Variants in XIRP2 observed in about 807,000 individuals in gnomAD.
XIRP2 encodes the protein xin actin binding repeat containing 2.
Under a neutral mutation model 277.0 loss-of-function variants are expected in XIRP2, and 236 were observed. That is an observed-to-expected ratio of 0.85 (90% CI 0.77 to 0.95). The LOEUF (loss-of-function observed/expected upper bound fraction) is 0.95. Ranked by LOEUF, XIRP2 falls within the 40% of genes least tolerant of loss-of-function variation. The pLI is 0.00. For missense variants in XIRP2, 4,640 were observed against 4,157.5 expected (o/e 1.12, Z -3.19); for synonymous variants, 1,490 against 1,416.5 (o/e 1.05, Z -1.17).
chr2:167,116,997 C>T (rs1690913733), intron 2 of XIRP2, among the ~76,000 whole-genome samples: 1 of 152,042 alleles, frequency 6.6e-6, no homozygotes, highest in Non-Finnish European at 1.5e-5. Flanking sequence ...ATTACCTTAC[C>T]AAAATAATAA....
intron 3 of XIRP2, among the ~76,000 whole-genome samples, chr2:167,187,736 A>T (rs898255350): frequency 1.3e-5 from 2 of 152,192 alleles, no homozygotes; most frequent in African/African-American, 4.8e-5. Flanking sequence ...GTCTTTGCAG[A>T]ATAGCATTTT....
In XIRP2 at chr2:167,139,702, T is replaced by A. The variant is rs994478676; in HGVS notation, c.562+3640T>A. On this transcript the variant is annotated intron_variant, in intron 3 of 10. Coordinates refer to ENST00000409195, the MANE Select transcript of XIRP2 (RefSeq NM_152381.6). ...GTGTGATTGTCATTTACATATCTTA[T>A]TTTTTGTTTAAAATCAGACATTTTA... 2.0e-5 allele frequency among the ~76,000 whole-genome samples: 3 copies of A among 152,200 alleles called. No individual in the cohort carries two copies. The East Asian group carries it at 5.8e-4, about 29-fold the overall frequency.
At position 167,241,839 on chromosome 2, in the gene XIRP2, T is replaced by C; in HGVS notation, c.1105T>C (p.Phe369Leu). ...TTCGACTAAGTTGTTAAAAGAGCAG[T>C]TTGAAAAGTCTGCCCAGGAAAAGAT... ...KVSTKLLKEQ[F>L]EKSAQEKILY... is the part of the protein sequence containing the mutation. Residue 369 changes from phenylalanine (F) to leucine (L), a missense_variant, in exon 8 of 11, where the codon TTT (phenylalanine) becomes CTT (leucine). Physicochemically the swap from Phe to Leu is conservative, Grantham distance 22. Coordinates refer to ENST00000409195, the MANE Select transcript of XIRP2 (RefSeq NM_152381.6). 6.2e-7 allele frequency: 1 copy of C among 1,613,732 alleles called. No homozygotes were observed. Among genetic ancestry groups the C allele is most frequent in the Non-Finnish European group, 8.5e-7 (1 of 1,179,788 alleles).
At chr2:167,255,306 C>T (rs1006871110) in intron 10 of XIRP2, among the ~76,000 whole-genome samples, 1 of 151,816 alleles carries the variant, frequency 6.6e-6, no homozygotes, top group African/African-American at 2.4e-5. Context: ...TTAGATTTCT[C>T]ATAAGTACAG....
intron 2 of XIRP2, among the ~76,000 whole-genome samples, chr2:167,113,753 T>A (rs2105297386): frequency 6.6e-6 from 1 of 152,286 alleles, no homozygotes; most frequent in African/African-American, 2.4e-5. Context: ...TGTACGTAAG[T>A]GTGTTTTTGT....
chr2:167,109,882 G>A (rs1203879116), intron 2 of XIRP2, among the ~76,000 whole-genome samples: 8 of 151,950 alleles, frequency 5.3e-5, no homozygotes, highest in Admixed American at 2.0e-4. Flanking sequence ...GGTATGAGAT[G>A]GTATCTCTTT....
At chr2:167,017,436 C>G (rs1482862874) in intron 2 of XIRP2, among the ~76,000 whole-genome samples, 1 of 152,006 alleles carries the variant, frequency 6.6e-6, no homozygotes, top group Non-Finnish European at 1.5e-5. Context: ...TTTCTCCTCA[C>G]ACTCATCAGT....
Position 167,083,694 on chromosome 2 carries a change from C to G in XIRP2, c.409-52215C>G, listed in dbSNP as rs532100812. On this transcript the variant is annotated intron_variant, in intron 2 of 10. Coordinates refer to ENST00000409195, the MANE Select transcript of XIRP2 (RefSeq NM_152381.6). ...AAGTTGGATTCCTAGGTATTTTATT[C>G]TCTTTGAAGCAATTGTGAATGGCAG... is the stretch of plus-strand genomic sequence containing the variant. Among the ~76,000 whole-genome samples the G allele has an allele frequency of 4.6e-5, 7 of 152,268 alleles. No individual in the cohort carries two copies. In the South Asian group the frequency reaches 1.2e-3, roughly 27 times the overall value.
intron 5 of XIRP2, among the ~76,000 whole-genome samples, chr2:167,235,498 A>G (rs1353204988): frequency 1.3e-5 from 2 of 151,978 alleles, no homozygotes; most frequent in East Asian, 1.9e-4. Context: ...TTTATTGGCT[A>G]TCTACTGTGT....
At chr2:167,046,645 C>T (rs1688795282) in intron 2 of XIRP2, among the ~76,000 whole-genome samples, 1 of 151,962 alleles carries the variant, frequency 6.6e-6, no homozygotes, top group Non-Finnish European at 1.5e-5. Flanking sequence ...CAACTTAAGG[C>T]CATTTTCCTA....
At chr2:166,942,012 G>C (rs1455807881) in intron 2 of XIRP2, among the ~76,000 whole-genome samples, 1 of 152,102 alleles carries the variant, frequency 6.6e-6, no homozygotes, top group African/African-American at 2.4e-5. Flanking sequence ...GTTCCTTCCA[G>C]TTATTCTGCC....
intron 1 of XIRP2, among the ~76,000 whole-genome samples, chr2:166,893,088 G>A (rs1004904730): frequency 5.3e-5 from 8 of 151,592 alleles, no homozygotes; most frequent in African/African-American, 1.7e-4. Flanking sequence ...AAACAGAGAT[G>A]ACTGCAGTAA....
intron 2 of XIRP2, among the ~76,000 whole-genome samples, chr2:167,036,178 C>T (rs1688501668): frequency 6.6e-6 from 1 of 152,200 alleles, no homozygotes; most frequent in African/African-American, 2.4e-5. Flanking sequence ...AGAGTCCCTA[C>T]TGAGGCACTG....
At chr2:167,113,603 A>T (rs1690819727) in intron 2 of XIRP2, among the ~76,000 whole-genome samples, 1 of 151,024 alleles carries the variant, frequency 6.6e-6, no homozygotes, top group Non-Finnish European at 1.5e-5. Context: ...CCATCTTTCC[A>T]CTCTGTGCTT....
intron 2 of XIRP2, among the ~76,000 whole-genome samples, chr2:167,009,887 C>T (rs1687616159): frequency 6.6e-6 from 1 of 152,180 alleles, no homozygotes; most frequent in Admixed American, 6.5e-5. Context: ...CTGTTCATTT[C>T]CTTCACCCAC....
chr2:167,057,057 A>G (rs1393242864), intron 2 of XIRP2, among the ~76,000 whole-genome samples: 1 of 152,170 alleles, frequency 6.6e-6, no homozygotes, highest in Non-Finnish European at 1.5e-5. Flanking sequence ...GGTATATTTA[A>G]TGAAAACTGT....
chr2:167,230,580 AT>A (rs1409062603), intron 5 of XIRP2, among the ~76,000 whole-genome samples: 1 of 152,082 alleles, frequency 6.6e-6, no homozygotes, highest in Non-Finnish European at 1.5e-5. Context: ...AATTCAAAAT[AT>A]CTTGTTGATG....
At chr2:167,223,976 T>C (rs779245898) in intron 5 of XIRP2, among the ~76,000 whole-genome samples, 1 of 152,184 alleles carries the variant, frequency 6.6e-6, no homozygotes, top group Non-Finnish European at 1.5e-5. Flanking sequence ...GACTGGTTAA[T>C]TTGTTATAAA....
intron 2 of XIRP2, among the ~76,000 whole-genome samples, chr2:166,963,632 G>GA (rs1257490343): frequency 2.6e-5 from 4 of 151,712 alleles, no homozygotes; most frequent in African/African-American, 9.7e-5. Context: ...ACAGGGATTA[G>GA]AGGGATAAGT....
Sources: allele counts gnomAD v4.1 joint callset (sites outside exome capture counted in the v4.1 genomes callset), GRCh38; gene constraint gnomAD v4.1.1; transcripts MANE v1.5; gene names NCBI Gene and HGNC (gene_info 2026-07-23, HGNC 2026-07-21).